SYT16: variants seen among roughly 807,000 people sequenced by gnomAD.
SYT16 encodes synaptotagmin-16.
A neutral mutation model predicts 61.4 loss-of-function variants in SYT16; 42 were observed. That is an observed-to-expected ratio of 0.68 (90% CI 0.53 to 0.89). SYT16 has a LOEUF of 0.89. SYT16 is among the 40% of genes least tolerant of loss of function. SYT16 has a pLI of 0.00. For synonymous variants in SYT16, 314 were observed against 302.3 expected (o/e 1.04, Z -0.40); for missense variants, 804 against 807.3 (o/e 1.00, Z 0.05).
At chr14:61,925,248 C>T (rs368076554) in intron 1 of SYT16, among the ~76,000 whole-genome samples, 1 of 152,282 alleles carries the variant, frequency 6.6e-6, no homozygotes, top group South Asian at 2.1e-4. Context: ...TCCCTCCTTT[C>T]AGCTATTTAC....
intron 3 of SYT16, among the ~76,000 whole-genome samples, chr14:62,047,459 C>T (rs2055045840): frequency 6.6e-6 from 1 of 152,132 alleles, no homozygotes; most frequent in African/African-American, 2.4e-5. Flanking sequence ...AATTGAATGC[C>T]CGTTATTTCC....
At chr14:61,854,960 A>G (rs928255424) in intron 1 of SYT16, among the ~76,000 whole-genome samples, 2 of 151,892 alleles carry the variant, frequency 1.3e-5, no homozygotes, top group African/African-American at 4.8e-5. Context: ...CTTGTCTCAT[A>G]TTAGTGAAAA....
At chr14:61,974,489 C>T (rs530977827) in intron 2 of SYT16, among the ~76,000 whole-genome samples, 18 of 152,180 alleles carry the variant, frequency 1.2e-4, no homozygotes, top group Admixed American at 1.2e-3. Flanking sequence ...GCTTGTGCTG[C>T]CTAGGGTCAT....
intron 1 of SYT16, among the ~76,000 whole-genome samples, chr14:61,846,055 T>C (rs1269820417): frequency 6.6e-6 from 1 of 152,228 alleles, no homozygotes; most frequent in Admixed American, 6.5e-5. Context: ...TTTTTGAATG[T>C]TTTAAGACTT....
Position 62,105,373 on chromosome 14 carries a change from A to G in SYT16, c.*4666A>G, listed in dbSNP as rs916123728. On this transcript the variant is annotated 3_prime_UTR_variant, in exon 8 of 8. Coordinates refer to ENST00000683842, the MANE Select transcript of SYT16 (RefSeq NM_001367656.1). ...CCAAAAAAGTAAAATAAATGATGTG[A>G]TACTATACTGAGACTGTTTTAAAAA... The G allele has an allele frequency of 1.3e-5, 2 of 152,236 alleles. No homozygotes were observed. Among genetic ancestry groups the G allele is most frequent in the Non-Finnish European group, 2.9e-5 (2 of 68,034 alleles). 9.4% of individuals were successfully genotyped at this position (152,236 alleles called of 1,614,324 possible).
In SYT16 at chr14:61,879,584, G is replaced by A. The variant is rs572641057; in HGVS notation, c.-325+66774G>A. Among the ~76,000 whole-genome samples the A allele has an allele frequency of 4.6e-5, 7 of 152,170 alleles. No individual in the cohort carries two copies. In the East Asian group the frequency reaches 1.2e-3, roughly 25 times the overall value. ...AAACGGCACCATCTTCAACATCTTC[G>A]TTTTAAGGTACCTGCTCTCCGACTC... On this transcript the variant is annotated intron_variant, in intron 1 of 7. Coordinates refer to ENST00000683842, the MANE Select transcript of SYT16 (RefSeq NM_001367656.1).
At chr14:61,891,552 A>G (rs1173589723) in intron 1 of SYT16, among the ~76,000 whole-genome samples, 2 of 152,226 alleles carry the variant, frequency 1.3e-5, no homozygotes, top group Non-Finnish European at 2.9e-5. Context: ...GTAGGGCTGG[A>G]GGGACCAACA....
intron 7 of SYT16, among the ~76,000 whole-genome samples, chr14:62,093,398 T>C (rs1049947116): frequency 3.3e-5 from 5 of 151,892 alleles, no homozygotes; most frequent in African/African-American, 1.2e-4. Context: ...TCATAATAAA[T>C]ATAAAGGGAC....
In SYT16 at chr14:62,022,795, A is replaced by G. The variant is rs1336379571; in HGVS notation, c.523+26253A>G. 7.9e-5 allele frequency among the ~76,000 whole-genome samples: 12 copies of G among 152,186 alleles called. No homozygotes were observed. In the East Asian group the frequency reaches 2.3e-3, roughly 29 times the overall value. On this transcript the variant is annotated intron_variant, in intron 3 of 7. Transcript: ENST00000683842. ...CAATTGGATTATTTCACTTAGCAAT[A>G]ATTGTGTACTCATTGGCTATGATAC...
At chr14:61,903,308 C>T (rs1053329644) in intron 1 of SYT16, among the ~76,000 whole-genome samples, 2 of 151,850 alleles carry the variant, frequency 1.3e-5, no homozygotes, top group African/African-American at 4.8e-5. Context: ...CTGTGTAACC[C>T]CTGGCTATTT....
rs546961370 is a variant in SYT16, at chr14:61,842,717, T to C, written c.-325+29907T>C. ...GCCTGTTCTCACTCATAGGTGGGAA[T>C]TGAACAATGAGAACACATGGACACA... On this transcript the variant is annotated intron_variant, in intron 1 of 7. Coordinates refer to ENST00000683842, the MANE Select transcript of SYT16 (RefSeq NM_001367656.1). Among the ~76,000 whole-genome samples the C allele has an allele frequency of 2.0e-3, 309 of 151,080 alleles. 1 individual carries two copies. Among genetic ancestry groups the C allele is most frequent in the African/African-American group, 7.3e-3 (298 of 41,094 alleles).
At chr14:61,923,129 C>T (rs76067740) in intron 1 of SYT16, among the ~76,000 whole-genome samples, 3,470 of 151,562 alleles carry the variant, frequency 0.023, 49 homozygotes, top group Admixed American at 0.03. Flanking sequence ...AAGAGAATGG[C>T]TCTTATAAAT....
chr14:62,028,246 C>T (rs1278676795), intron 3 of SYT16, among the ~76,000 whole-genome samples: 1 of 152,206 alleles, frequency 6.6e-6, no homozygotes, highest in African/African-American at 2.4e-5. Flanking sequence ...TGTGCATTTA[C>T]TAAGTTGTAT....
At chr14:61,829,952 C>T (rs1402264031) in intron 1 of SYT16, among the ~76,000 whole-genome samples, 1 of 152,168 alleles carries the variant, frequency 6.6e-6, no homozygotes, top group Non-Finnish European at 1.5e-5. Flanking sequence ...CCATGCCCGG[C>T]TTTATTGATA....
intron 1 of SYT16, among the ~76,000 whole-genome samples, chr14:61,919,013 G>T (rs1219991523): frequency 6.6e-6 from 1 of 152,220 alleles, no homozygotes; most frequent in East Asian, 1.9e-4. Context: ...GTCCTGGGGT[G>T]CAGTCTTAAA....
At chr14:62,050,821 A>T (rs899395624) in intron 3 of SYT16, among the ~76,000 whole-genome samples, 1 of 151,868 alleles carries the variant, frequency 6.6e-6, no homozygotes, top group East Asian at 1.9e-4. Flanking sequence ...CTGCCTGATC[A>T]TTCCTCTGGA....
intron 1 of SYT16, among the ~76,000 whole-genome samples, chr14:61,856,622 G>C (rs2140279528): frequency 6.6e-6 from 1 of 152,188 alleles, no homozygotes; most frequent in Non-Finnish European, 1.5e-5. Flanking sequence ...GTGGAGATCA[G>C]GAATTTCGTT....
At chr14:61,849,793 C>T (rs184958176) in intron 1 of SYT16, among the ~76,000 whole-genome samples, 328 of 152,202 alleles carry the variant, frequency 2.2e-3, no homozygotes, top group African/African-American at 7.3e-3. Context: ...ATTGGTCACC[C>T]GATTTTTCAT....
chr14:61,815,542 G>A (rs576846063), intron 1 of SYT16, among the ~76,000 whole-genome samples: 3 of 152,198 alleles, frequency 2.0e-5, no homozygotes, highest in African/African-American at 7.2e-5. Context: ...TATAAAATAT[G>A]GAGATATTTT....
Sources: gnomAD v4.1 joint callset for allele counts (sites outside exome capture counted in the v4.1 genomes callset) on GRCh38, gnomAD v4.1.1 for gene constraint, MANE v1.5 for transcripts, NCBI Gene and HGNC (gene_info 2026-07-23, HGNC 2026-07-21) for gene names.